AP3B1: variants seen among roughly 807,000 people sequenced by gnomAD.
AP3B1 encodes the protein AP-3 complex subunit beta-1.
Under a neutral mutation model 132.5 loss-of-function variants are expected in AP3B1, and 61 were observed. That is an observed-to-expected ratio of 0.46 (90% CI 0.37 to 0.57). The LOEUF (loss-of-function observed/expected upper bound fraction) is 0.57. Among genes scored for constraint, AP3B1 ranks in the 20% least tolerant of loss-of-function variants. The pLI, the probability that AP3B1 is intolerant of heterozygous loss-of-function variation, is 0.00. For missense variants in AP3B1, 1,120 were observed against 1,289.4 expected (o/e 0.87, Z 2.01); for synonymous variants, 388 against 438.3 (o/e 0.89, Z 1.43).
intron 21 of AP3B1, among the ~76,000 whole-genome samples, chr5:78,092,072 G>A (rs1240741831): frequency 8.5e-5 from 13 of 152,166 alleles, no homozygotes; most frequent in Non-Finnish European, 1.8e-4. Flanking sequence ...CATGCAACAC[G>A]TAACTTTTCA....
At chr5:78,241,560 T>G (rs1747142503) in intron 2 of AP3B1, among the ~76,000 whole-genome samples, 1 of 152,232 alleles carries the variant, frequency 6.6e-6, no homozygotes, top group Non-Finnish European at 1.5e-5. Context: ...TTTGCTTTCT[T>G]TTCATAGGTT....
intron 2 of AP3B1, among the ~76,000 whole-genome samples, chr5:78,251,633 G>A (rs1747640341): frequency 6.6e-6 from 1 of 152,158 alleles, no homozygotes; most frequent in Non-Finnish European, 1.5e-5. Flanking sequence ...ACCCACAGGG[G>A]GAGCATTTAA....
At chr5:78,241,305 C>T (rs1747127055) in intron 2 of AP3B1, among the ~76,000 whole-genome samples, 1 of 151,774 alleles carries the variant, frequency 6.6e-6, no homozygotes, top group African/African-American at 2.4e-5. Flanking sequence ...TTTAAGTGAT[C>T]CCCCACCTCA....
chr5:78,118,261 C>T (rs1026917396), intron 17 of AP3B1, among the ~76,000 whole-genome samples: 4 of 152,192 alleles, frequency 2.6e-5, no homozygotes, highest in Admixed American at 6.5e-5. Context: ...GCGTGAGCGA[C>T]GCAGAAGACG....
chr5:78,246,867 T>C (rs1747399667), intron 2 of AP3B1, among the ~76,000 whole-genome samples: 1 of 152,172 alleles, frequency 6.6e-6, no homozygotes, highest in African/African-American at 2.4e-5. Context: ...TTAATTTGAG[T>C]TTAATTTGCT....
Position 78,073,259 on chromosome 5 carries a change from T to C in AP3B1, c.2577+16134A>G, listed in dbSNP as rs1026410198. ...TCTCATGTTAAGAGATTTAATACTA[T>C]TAGAATAAGAATTATTAATTTCCAT... On this transcript the variant is annotated intron_variant, in intron 22 of 26. Transcript: ENST00000255194. Among the ~76,000 whole-genome samples the C allele has an allele frequency of 4.6e-5, 7 of 152,186 alleles. 1 individual carries two copies. Among genetic ancestry groups the C allele is most frequent in the Admixed American group, 6.5e-5 (1 of 15,284 alleles).
At chr5:78,051,165 G>A (rs1270419558) in intron 22 of AP3B1, among the ~76,000 whole-genome samples, 7 of 152,098 alleles carry the variant, frequency 4.6e-5, no homozygotes, top group Non-Finnish European at 8.8e-5. Flanking sequence ...GAATGAGAGT[G>A]CACATAACTG....
chr5:78,178,850 G>T (rs1279714667), intron 8 of AP3B1, among the ~76,000 whole-genome samples: 2 of 151,880 alleles, frequency 1.3e-5, no homozygotes, highest in African/African-American at 4.8e-5. Context: ...TAATATATAT[G>T]CCTAAATAGT....
At chr5:78,285,256 A>G (rs1749226839) in intron 1 of AP3B1, among the ~76,000 whole-genome samples, 1 of 151,918 alleles carries the variant, frequency 6.6e-6, no homozygotes, top group Admixed American at 6.6e-5. Flanking sequence ...CTCAAAAAAA[A>G]AAAAAAATAC....
At chr5:78,027,550 T>C (rs1355883244) in intron 24 of AP3B1, among the ~76,000 whole-genome samples, 1 of 152,174 alleles carries the variant, frequency 6.6e-6, no homozygotes, top group African/African-American at 2.4e-5. Flanking sequence ...AGCTGAATGT[T>C]AGAAGTTTGT....
intron 15 of AP3B1, among the ~76,000 whole-genome samples, chr5:78,134,149 C>CAAAAAAAAA (rs397961933): frequency 8.9e-4 from 66 of 74,062 alleles, no homozygotes; most frequent in Admixed American, 1.4e-3. Flanking sequence ...AGACTCGCCT[C>CAAAAAAAAA]AAAAAAAAAA....
chr5:78,075,775 G>T (rs1230568313), intron 22 of AP3B1, among the ~76,000 whole-genome samples: 1 of 152,216 alleles, frequency 6.6e-6, no homozygotes, highest in Non-Finnish European at 1.5e-5. Flanking sequence ...GGGCTTCTTG[G>T]TCATGCTGCC....
At chr5:78,147,043 T>C (rs1250987019) in intron 14 of AP3B1, among the ~76,000 whole-genome samples, 5 of 152,002 alleles carry the variant, frequency 3.3e-5, no homozygotes, top group African/African-American at 1.2e-4. Context: ...AGTTTTTGAT[T>C]ACTTAATTTT....
chr5:78,062,923 TGTGATGAGGTCA>T, intron 22 of AP3B1, among the ~76,000 whole-genome samples: 1 of 152,262 alleles, frequency 6.6e-6, no homozygotes, highest in African/African-American at 2.4e-5. Flanking sequence ...CCCCACTCAA[TGTGATGAGGTCA>T]AATGCTTGTT....
At chr5:78,172,988 AG>A (rs1375058389) in intron 11 of AP3B1, among the ~76,000 whole-genome samples, 1 of 152,220 alleles carries the variant, frequency 6.6e-6, no homozygotes, top group Non-Finnish European at 1.5e-5. Flanking sequence ...TTCAAAGAAC[AG>A]CTTTATTTCT....
At chr5:78,164,483 G>A (rs1743527825) in intron 12 of AP3B1, among the ~76,000 whole-genome samples, 1 of 151,596 alleles carries the variant, frequency 6.6e-6, no homozygotes, top group African/African-American at 2.4e-5. Flanking sequence ...GACAGTGAGA[G>A]GACACCCAAA....
chr5:78,127,293 A>C (rs1752502555), intron 17 of AP3B1, among the ~76,000 whole-genome samples: 1 of 152,200 alleles, frequency 6.6e-6, no homozygotes, highest in Non-Finnish European at 1.5e-5. Context: ...TACAATTCTT[A>C]ACTGCTTTTT....
chr5:78,014,782 C>A (rs190841004), intron 26 of AP3B1, among the ~76,000 whole-genome samples: 60 of 152,282 alleles, frequency 3.9e-4, no homozygotes, highest in African/African-American at 1.3e-3. Flanking sequence ...TCTTTACATT[C>A]ATTTAAAGCC....
chr5:78,272,594 C>A (rs1748592837), intron 1 of AP3B1, among the ~76,000 whole-genome samples: 1 of 151,798 alleles, frequency 6.6e-6, no homozygotes, highest in Non-Finnish European at 1.5e-5. Flanking sequence ...GTAAAAGAAA[C>A]AACAAACATA....
Sources: allele counts gnomAD v4.1 joint callset (sites outside exome capture counted in the v4.1 genomes callset), GRCh38; gene constraint gnomAD v4.1.1; transcripts MANE v1.5; gene names NCBI Gene and HGNC (gene_info 2026-07-23, HGNC 2026-07-21).